FBXO32: variants seen among roughly 807,000 people sequenced by gnomAD.
The protein encoded by FBXO32 is F-box protein 32, also known as F-box only protein 32.
FBXO32 carries 15 observed loss-of-function variants against 48.3 expected under a neutral mutation model. The ratio of observed to expected loss-of-function variants is 0.31; its 90% CI spans 0.21 to 0.48. The LOEUF (loss-of-function observed/expected upper bound fraction) is 0.48. FBXO32 is among the 20% of genes least tolerant of loss of function. The pLI is 0.99. For missense variants in FBXO32, 309 were observed against 432.7 expected, an observed-to-expected ratio of 0.71 and a Z score of 2.54; for synonymous variants, 154 against 165.9, an observed-to-expected ratio of 0.93 and a Z score of 0.55.
chr8:123,513,241 A>C lies in FBXO32; in HGVS notation c.608T>G (p.Ile203Ser). Residue 203 changes from isoleucine (I) to serine (S), a missense_variant, in exon 6 of 9, where the codon ATT becomes AGT. Physicochemically the swap from Ile to Ser is moderately radical, Grantham distance 142. Transcript: ENST00000517956. The surrounding 1 kb of genome is among the most constrained non-coding windows in gnomAD (Gnocchi z 4.3). ...GTTCAGCTGCTGCTGCCAGTGGAGA[A>C]TCGTCTCCATCCGATACACCCACAT... is the stretch of plus-strand genomic sequence containing the variant. ...INMWVYRMET[I>S]LHWQQQLNNI... 1 of 1,614,134 alleles carries C rather than the reference A, an allele frequency of 6.2e-7. No homozygotes were observed. Among genetic ancestry groups the C allele is most frequent in the Non-Finnish European group, 8.5e-7 (1 of 1,180,014 alleles).
chr8:123,529,483 C>A (rs189750896), intron 4 of FBXO32, among the ~76,000 whole-genome samples: 1 of 152,152 alleles, frequency 6.6e-6, no homozygotes. Flanking sequence ...CCAGCTACCC[C>A]GGGAAGTTGA....
chr8:123,511,204 A>AGGTTCTGGCCTC (rs1816727370), intron 6 of FBXO32, among the ~76,000 whole-genome samples: 1 of 152,252 alleles, frequency 6.6e-6, no homozygotes, highest in African/African-American at 2.4e-5. Context: ...ACGGAATCCA[A>AGGTTCTGGCCTC]GGTTCTGGCC....
Position 123,500,619 on chromosome 8 carries a change from G to A in FBXO32, c.*2754C>T, listed in dbSNP as rs1310304674. On this transcript the variant is annotated 3_prime_UTR_variant, in exon 9 of 9. Coordinates refer to ENST00000517956, the MANE Select transcript of FBXO32 (RefSeq NM_058229.4). The stretch of plus-strand genomic sequence containing the variant: ...CTCTTCACTTATATGTGAGGCTCTG[G>A]CCATACTTAACAGATACCACGTGGC... 2.0e-5 allele frequency: 3 copies of A among 152,126 alleles called. No homozygotes were observed. The highest frequency in any genetic ancestry group is 7.2e-5 in the African/African-American group (3 of 41,414). The allele number at this position is 152,126 out of a possible 1,614,324, so 9.4% of individuals were successfully genotyped here.
intron 3 of FBXO32, among the ~76,000 whole-genome samples, chr8:123,532,847 G>C (rs1587002884): frequency 6.6e-6 from 1 of 152,210 alleles, no homozygotes; most frequent in African/African-American, 2.4e-5. Context: ...ATTTAACTGA[G>C]TTGAAGTCCA....
intron 4 of FBXO32, among the ~76,000 whole-genome samples, chr8:123,514,896 C>T (rs914274132): frequency 3.9e-5 from 6 of 152,248 alleles, no homozygotes; most frequent in Admixed American, 6.5e-5. Flanking sequence ...TGTAGAAAGA[C>T]GCCAATCACA....
At chr8:123,524,260 C>T (rs141301178) in intron 4 of FBXO32, among the ~76,000 whole-genome samples, 371 of 152,256 alleles carry the variant, frequency 2.4e-3, no homozygotes, top group Middle Eastern at 6.8e-3. Flanking sequence ...GTGGCCATGT[C>T]CCCCCGTCTG....
intron 4 of FBXO32, among the ~76,000 whole-genome samples, chr8:123,522,972 G>C (rs1436025204): frequency 6.6e-6 from 1 of 152,182 alleles, no homozygotes; most frequent in Non-Finnish European, 1.5e-5. Flanking sequence ...AACACTAGGT[G>C]CTTGGGCCCA....
In FBXO32 at chr8:123,498,666, T is replaced by C. The variant is rs1395968920; in HGVS notation, c.*4707A>G. Reference sequence around the variant, plus strand: ...GATGGATTAAATGTACCTCTGAGTCTAGGGGAGAGGAAACACCTGCTTCGG... The same window carrying C: ...GATGGATTAAATGTACCTCTGAGTCCAGGGGAGAGGAAACACCTGCTTCGG... On this transcript the variant is annotated 3_prime_UTR_variant, in exon 9 of 9. Coordinates refer to ENST00000517956, the MANE Select transcript of FBXO32 (RefSeq NM_058229.4). The C allele has an allele frequency of 6.6e-6, 1 of 152,160 alleles. No homozygotes were observed. The highest frequency in any genetic ancestry group is 2.4e-5 in the African/African-American group (1 of 41,430). The allele number at this position is 152,160 out of a possible 1,614,324, so 9.4% of individuals were successfully genotyped here.
chr8:123,523,402 C>A (rs1044296127), intron 4 of FBXO32, among the ~76,000 whole-genome samples: 1 of 152,104 alleles, frequency 6.6e-6, no homozygotes, highest in African/African-American at 2.4e-5. Flanking sequence ...CCATCCTGGC[C>A]AATATGGTGA....
chr8:123,537,238 T>C (rs1027570775), intron 1 of FBXO32, among the ~76,000 whole-genome samples: 1 of 110,408 alleles, frequency 9.1e-6, no homozygotes, highest in Admixed American at 8.2e-5. Flanking sequence ...GAGCACAGGA[T>C]TTTTTTTTTT....
intron 4 of FBXO32, among the ~76,000 whole-genome samples, chr8:123,523,318 G>A (rs1256462377): frequency 2.0e-5 from 3 of 152,198 alleles, no homozygotes; most frequent in Admixed American, 1.3e-4. Flanking sequence ...TTGACCAGGT[G>A]CGGTGGCTCA....
chr8:123,536,313 G>T (rs1033779482), intron 1 of FBXO32, among the ~76,000 whole-genome samples: 1 of 152,144 alleles, frequency 6.6e-6, no homozygotes, highest in African/African-American at 2.4e-5. Flanking sequence ...CCTCTCAGAG[G>T]CACCTTCAAA....
intron 1 of FBXO32, among the ~76,000 whole-genome samples, chr8:123,536,367 C>T (rs1361854728): frequency 1.3e-5 from 2 of 152,154 alleles, no homozygotes; most frequent in Admixed American, 1.3e-4. Context: ...TTGTACAACA[C>T]ATGAGTGTGT....
chr8:123,526,418 G>A (rs1817078208), intron 4 of FBXO32, among the ~76,000 whole-genome samples: 3 of 152,060 alleles, frequency 2.0e-5, no homozygotes, highest in East Asian at 3.9e-4. Context: ...GTAGAGATGG[G>A]GTTTTACCAT....
chr8:123,534,627 AT>A (rs1320744140), intron 2 of FBXO32, 74 bp downstream of exon 2: 234 of 916,240 alleles, frequency 2.6e-4, no homozygotes, highest in South Asian at 3.0e-4. Context: ...GGGAGGTGTT[AT>A]TTTTTTTCAT....
chr8:123,515,940 C>T (rs1436476701), intron 4 of FBXO32, among the ~76,000 whole-genome samples: 1 of 151,978 alleles, frequency 6.6e-6, no homozygotes, highest in Admixed American at 6.6e-5. Context: ...TGCAGTGAGC[C>T]GAGATCGTGC....
At chr8:123,534,142 CT>C (rs1468575917) in intron 2 of FBXO32, among the ~76,000 whole-genome samples, 1 of 150,602 alleles carries the variant, frequency 6.6e-6, no homozygotes, top group African/African-American at 2.5e-5. Flanking sequence ...AAAAACACCC[CT>C]AATACTCAAG....
intron 4 of FBXO32, among the ~76,000 whole-genome samples, chr8:123,514,962 T>C (rs1288276911): frequency 6.6e-6 from 1 of 152,228 alleles, no homozygotes; most frequent in African/African-American, 2.4e-5. Flanking sequence ...GGCTAAAAAC[T>C]TGGATCCTTG....
At position 123,506,657 on chromosome 8, in the gene FBXO32, C is replaced by A; in HGVS notation, c.652-83G>T. On this transcript the variant is annotated intron_variant, in intron 6 of 8. Coordinates refer to ENST00000517956, the MANE Select transcript of FBXO32 (RefSeq NM_058229.4). This position sits in a 1 kb window ranked among gnomAD's most constrained non-coding sequence, Gnocchi z 4.0. ...CACACCCTCCAGGCATGCAGCTGTG[C>A]CCGTCCTCCACCCTCAAGGCAGTTT... is the stretch of plus-strand genomic sequence containing the variant. The A allele has an allele frequency of 1.6e-6, 2 of 1,218,884 alleles. No individual in the cohort carries two copies. The highest frequency in any genetic ancestry group is 2.3e-6 in the Non-Finnish European group (2 of 864,886). The allele number at this position is 1,218,884 out of a possible 1,614,324, so 75.5% of individuals were successfully genotyped here.
Sources: gnomAD v4.1 joint callset for allele counts (sites outside exome capture counted in the v4.1 genomes callset) on GRCh38, gnomAD v4.1.1 for gene constraint, Gnocchi (gnomAD v3.1) non-coding constraint, MANE v1.5 for transcripts, NCBI Gene and HGNC (gene_info 2026-07-23, HGNC 2026-07-21) for gene names.